The following TBC1D32 variants were observed in gnomAD, a reference collection of about 807,000 sequenced individuals.
TBC1D32 encodes TBC1 domain family member 32.
A neutral mutation model predicts 170.3 loss-of-function variants in TBC1D32; 151 were observed. The observed-to-expected ratio is 0.89, with a 90% confidence interval of 0.78 to 1.01. The LOEUF (loss-of-function observed/expected upper bound fraction) is 1.01, where lower values mean the gene tolerates loss of function less well. TBC1D32 is among the 50% of genes least tolerant of loss of function. The pLI is 0.00. For missense variants in TBC1D32, 1,464 were observed against 1,457.1 expected (o/e 1.00, Z -0.08); for synonymous variants, 498 against 488.0 (o/e 1.02, Z -0.27).
intron 15 of TBC1D32, among the ~76,000 whole-genome samples, chr6:121,264,630 C>G (rs1800207850): frequency 6.6e-6 from 1 of 152,144 alleles, no homozygotes; most frequent in African/African-American, 2.4e-5. Context: ...AACTTCAGGC[C>G]AATATCCCTA....
intron 22 of TBC1D32, among the ~76,000 whole-genome samples, chr6:121,196,592 C>A (rs1443928767): frequency 6.6e-6 from 1 of 152,174 alleles, no homozygotes; most frequent in African/African-American, 2.4e-5. Flanking sequence ...CACAGCATTG[C>A]CTCTGACCAA....
chr6:121,130,461 G>T (rs1470913926), intron 25 of TBC1D32, among the ~76,000 whole-genome samples: 1 of 152,148 alleles, frequency 6.6e-6, no homozygotes, highest in Non-Finnish European at 1.5e-5. Flanking sequence ...CAGCCTGGAC[G>T]ACAGAGCAAG....
intron 31 of TBC1D32, 106 bp from the exon 32 acceptor site, chr6:121,080,996 G>A (rs568233045): frequency 3.2e-4 from 435 of 1,364,506 alleles, no homozygotes; most frequent in Non-Finnish European, 4.0e-4. Context: ...GCTATAGATG[G>A]GGTGGGCTGT....
In TBC1D32 at chr6:121,242,235, G is replaced by T; in HGVS notation, c.2123C>A (p.Thr708Lys). The change falls in exon 18 of 32, where the codon ACA (threonine) becomes AAA (lysine). Residue 708 changes from threonine (T) to lysine (K), a missense_variant. Thr to Lys is a moderately conservative substitution (Grantham distance 78). This residue lies in a region of TBC1D32 where 1,363 missense variants were observed against 1,338.1 expected (regional missense o/e 1.02). Coordinates refer to ENST00000398212, the MANE Select transcript of TBC1D32 (RefSeq NM_152730.6). ...QRTGAINECV[T>K]FIFNRYAKKL... ...TTTTGCATATCGATTGAATATAAAT[G>T]TCACACATTCATTGATAGCACCTGT... 6.2e-7 allele frequency: 1 copy of T among 1,612,246 alleles called. No individual in the cohort carries two copies. Among genetic ancestry groups the T allele is most frequent in the Non-Finnish European group, 8.5e-7 (1 of 1,179,134 alleles).
At chr6:121,099,508 C>A (rs1049865712) in intron 30 of TBC1D32, among the ~76,000 whole-genome samples, 2 of 151,858 alleles carry the variant, frequency 1.3e-5, no homozygotes, top group Non-Finnish European at 2.9e-5. Context: ...ATTTAGCAAT[C>A]TGCCTACAAA....
intron 22 of TBC1D32, among the ~76,000 whole-genome samples, chr6:121,196,952 A>C (rs1187254187): frequency 6.6e-6 from 1 of 152,178 alleles, no homozygotes; most frequent in Non-Finnish European, 1.5e-5. Context: ...TTCCCACAAG[A>C]TTACATTCTC....
intron 1 of TBC1D32, among the ~76,000 whole-genome samples, chr6:121,328,277 T>TTTTA (rs929188637): frequency 3.4e-4 from 51 of 151,822 alleles, no homozygotes; most frequent in African/African-American, 4.3e-4. Context: ...GTTTTTTATT[T>TTTTA]TTTATTTATT....
At chr6:121,108,991 T>C (rs1036112119) in intron 29 of TBC1D32, among the ~76,000 whole-genome samples, 3 of 152,106 alleles carry the variant, frequency 2.0e-5, no homozygotes, top group African/African-American at 7.2e-5. Flanking sequence ...ATAATATCAA[T>C]CTTTCTCCTC....
At chr6:121,244,552 T>C (rs1797376521) in intron 17 of TBC1D32, among the ~76,000 whole-genome samples, 2 of 152,126 alleles carry the variant, frequency 1.3e-5, no homozygotes. Flanking sequence ...GCCTCTGCTG[T>C]GCTGTGTTTT....
chr6:121,228,391 T>G, intron 20 of TBC1D32, among the ~76,000 whole-genome samples: 1 of 152,240 alleles, frequency 6.6e-6, no homozygotes, highest in Non-Finnish European at 1.5e-5. Context: ...TATTTTCTAA[T>G]ACAAATATTA....
chr6:121,301,876 C>T (rs1806532445), intron 9 of TBC1D32, among the ~76,000 whole-genome samples: 1 of 151,890 alleles, frequency 6.6e-6, no homozygotes, highest in Admixed American at 6.6e-5. Flanking sequence ...GTGATCTGCC[C>T]ACCTTGGCCT....
chr6:121,315,642 T>C (rs1299249575), intron 3 of TBC1D32, among the ~76,000 whole-genome samples: 1 of 152,012 alleles, frequency 6.6e-6, no homozygotes, highest in Non-Finnish European at 1.5e-5. Context: ...CATAGGAAAA[T>C]TCAGACCTTT....
rs545430156 is a variant in TBC1D32, at chr6:121,103,648, G to C, written c.3465+2375C>G. On this transcript the variant is annotated intron_variant, in intron 30 of 31. Transcript: ENST00000398212. ...TACCTAATGTAAATGACGAGTTAAT[G>C]GGTGCAGAACACCAACATGGCACAT... Among the ~76,000 whole-genome samples the C allele has an allele frequency of 3.1e-3, 476 of 151,752 alleles. 1 individual carries two copies. The highest frequency in any genetic ancestry group is 0.031 in the Middle Eastern group (9 of 294).
chr6:121,318,647 T>C (rs930340426), intron 2 of TBC1D32, among the ~76,000 whole-genome samples: 1 of 151,964 alleles, frequency 6.6e-6, no homozygotes, highest in Non-Finnish European at 1.5e-5. Flanking sequence ...TTTCCTCAAC[T>C]ATAAAATGAG....
At position 121,101,321 on chromosome 6, in the gene TBC1D32, G is replaced by A. The variant is rs545528278; in HGVS notation, c.3465+4702C>T. ...TTAGACCAATATCCCTGATGAACAT[G>A]GATGCAAAAATCCTCAATAAAATAC... is the stretch of plus-strand genomic sequence containing the variant. On this transcript the variant is annotated intron_variant, in intron 30 of 31. Transcript: ENST00000398212. 2.1e-4 allele frequency among the ~76,000 whole-genome samples: 32 copies of A among 151,942 alleles called. 1 individual carries two copies. The highest frequency in any genetic ancestry group is 4.7e-4 in the Non-Finnish European group (32 of 67,866).
chr6:121,103,773 A>G (rs1778403301), intron 30 of TBC1D32, among the ~76,000 whole-genome samples: 1 of 151,948 alleles, frequency 6.6e-6, no homozygotes, highest in African/African-American at 2.4e-5. Flanking sequence ...AAATTATTGG[A>G]TGCTTTAGAC....
In TBC1D32 at chr6:121,113,099, G is replaced by C; in HGVS notation, c.3132C>G (p.Phe1044Leu). 6.2e-7 allele frequency: 1 copy of C among 1,611,112 alleles called. No homozygotes were observed. The highest frequency in any genetic ancestry group is 2.2e-5 in the East Asian group (1 of 44,618). Residue 1044 changes from phenylalanine (F) to leucine (L), a missense_variant, in exon 28 of 32, where the codon TTC becomes TTG. Around this residue, in one of 3 missense-constraint regions of TBC1D32, gnomAD observed 1,363 missense variants for 1,338.1 expected, o/e 1.02. Transcript: ENST00000398212. ...LTWVLKHCERFLKQQQTSIKS... is the reference protein window; with the variant it reads ...LTWVLKHCERLLKQQQTSIKS... ...TTATGGAAGTTTGCTGCTGTTTCAG[G>C]AATCTCTCACAATGCTTTAAAACCC...
chr6:121,097,895 G>T, intron 30 of TBC1D32, among the ~76,000 whole-genome samples: 1 of 152,020 alleles, frequency 6.6e-6, no homozygotes, highest in Admixed American at 6.6e-5. Context: ...GTCCTTTGTA[G>T]GGACATGGAT....
intron 30 of TBC1D32, among the ~76,000 whole-genome samples, chr6:121,095,198 A>G (rs1348275194): frequency 6.6e-6 from 1 of 152,142 alleles, no homozygotes. Flanking sequence ...AGGAAGGAAA[A>G]TCACTTGCAC....
Sources: gnomAD v4.1 joint callset for allele counts (sites outside exome capture counted in the v4.1 genomes callset) on GRCh38, gnomAD v4.1.1 for gene constraint, gnomAD v4.1.1 regional missense constraint, MANE v1.5 for transcripts, NCBI Gene and HGNC (gene_info 2026-07-23, HGNC 2026-07-21) for gene names.